Variants in GPHN observed in about 807,000 individuals in gnomAD.
GPHN encodes gephyrin.
GPHN carries 17 observed loss-of-function variants against 95.5 expected under a neutral mutation model. The observed-to-expected ratio is 0.18, with a 90% CI of 0.12 to 0.27. The LOEUF (loss-of-function observed/expected upper bound fraction) is 0.27. Ranked by LOEUF, GPHN falls within the 10% of genes least tolerant of loss-of-function variation. GPHN has a pLI of 1.00. For missense variants in GPHN, 660 were observed against 978.1 expected, an observed-to-expected ratio of 0.67 and a Z score of 4.34; for synonymous variants, 320 against 322.5, an observed-to-expected ratio of 0.99 and a Z score of 0.08.
At chr14:66,539,054 A>T (rs537216423) in intron 1 of GPHN, among the ~76,000 whole-genome samples, 8 of 152,052 alleles carry the variant, frequency 5.3e-5, no homozygotes, top group Non-Finnish European at 1.2e-4. Context: ...CAGATTTTTG[A>T]TTGAAAGACT....
At chr14:66,830,863 C>G (rs1321709023) in intron 4 of GPHN, among the ~76,000 whole-genome samples, 1 of 151,710 alleles carries the variant, frequency 6.6e-6, no homozygotes, top group Non-Finnish European at 1.5e-5. Flanking sequence ...TGTCAGTTTT[C>G]TAGTACAAAT....
At chr14:66,886,733 G>C (rs148526683) in intron 5 of GPHN, among the ~76,000 whole-genome samples, 1 of 152,056 alleles carries the variant, frequency 6.6e-6, no homozygotes, top group Non-Finnish European at 1.5e-5. Flanking sequence ...AGAGCCTAAG[G>C]GACCTATGGA....
At position 66,739,543 on chromosome 14, in the gene GPHN, A is replaced by T. The variant is rs2072617611; in HGVS notation, c.144-36921A>T. ...TGCTTTTTTTTTTTTTTTTTTAAAC[A>T]AAACCATCAATGGAAGGAAAAACAC... On this transcript the variant is annotated intron_variant, in intron 2 of 22. Transcript: ENST00000478722. Among the ~76,000 whole-genome samples the T allele has an allele frequency of 6.1e-5, 9 of 148,482 alleles. No homozygotes were observed. The South Asian group carries it at 1.9e-3, about 32-fold the overall frequency.
At chr14:67,230,406 C>A in the GPHN span, among the ~76,000 whole-genome samples, 1 of 151,886 alleles carries the variant, frequency 6.6e-6, no homozygotes, top group Non-Finnish European at 1.5e-5. Flanking sequence ...AAAGTGATAC[C>A]CTGTCTCCAC....
At chr14:67,657,780 GCT>G in the GPHN span, among the ~76,000 whole-genome samples, 1 of 120,320 alleles carries the variant, frequency 8.3e-6, no homozygotes, top group Non-Finnish European at 1.7e-5. Flanking sequence ...AGACAGTCTC[GCT>G]CTGTCGCCCG....
At chr14:67,345,361 A>G in the GPHN span, among the ~76,000 whole-genome samples, 1 of 152,334 alleles carries the variant, frequency 6.6e-6, no homozygotes, top group Non-Finnish European at 1.5e-5. Context: ...GTTCGAGACC[A>G]GCCTGACAAA....
chr14:66,664,597 C>G (rs953924882), intron 1 of GPHN, among the ~76,000 whole-genome samples: 1 of 151,914 alleles, frequency 6.6e-6, no homozygotes, highest in Non-Finnish European at 1.5e-5. Flanking sequence ...TCAAACAAAT[C>G]CCAAAGCTAG....
chr14:66,812,259 A>G (rs1420075975), intron 3 of GPHN, among the ~76,000 whole-genome samples: 6 of 152,374 alleles, frequency 3.9e-5, no homozygotes, highest in Non-Finnish European at 7.3e-5. Flanking sequence ...TTGAATTGCC[A>G]TCCTCTGCAT....
At chr14:67,445,984 T>A in the GPHN span, 1 of 493,554 alleles carries the variant, frequency 2.0e-6, no homozygotes, top group African/African-American at 1.9e-5. Flanking sequence ...TAAGAAACAG[T>A]TCAAAAAATA....
chr14:66,967,799 C>T (rs1452880927), intron 9 of GPHN, among the ~76,000 whole-genome samples: 1 of 151,670 alleles, frequency 6.6e-6, no homozygotes, highest in African/African-American at 2.4e-5. Context: ...AAAATAATAG[C>T]AGGGGAACTT....
chr14:66,751,311 C>A (rs894619914), intron 2 of GPHN, among the ~76,000 whole-genome samples: 2 of 152,058 alleles, frequency 1.3e-5, no homozygotes, highest in African/African-American at 4.8e-5. Context: ...TTCCCACTAA[C>A]AGTCTATAAG....
At chr14:67,380,707 A>G in the GPHN span, 5 of 1,587,274 alleles carry the variant, frequency 3.2e-6, no homozygotes, top group African/African-American at 1.4e-5. Context: ...ATGAACGGGA[A>G]GTACTCATTA....
chr14:67,664,273 C>G, the GPHN span, among the ~76,000 whole-genome samples: 1 of 152,126 alleles, frequency 6.6e-6, no homozygotes, highest in Admixed American at 6.6e-5. Flanking sequence ...ACTGAAATTC[C>G]GTACCCATCA....
chr14:66,588,570 A>G (rs932857970), intron 1 of GPHN, among the ~76,000 whole-genome samples: 1 of 152,124 alleles, frequency 6.6e-6, no homozygotes. Flanking sequence ...GAAAAACAGC[A>G]CAACAACTTT....
At chr14:66,759,969 C>T (rs187266008) in intron 2 of GPHN, among the ~76,000 whole-genome samples, 14 of 152,090 alleles carry the variant, frequency 9.2e-5, no homozygotes, top group Non-Finnish European at 1.2e-4. Flanking sequence ...CTAAGATAAT[C>T]ACAGGCCTCT....
At chr14:67,331,464 A>C in the GPHN span, among the ~76,000 whole-genome samples, 1 of 152,064 alleles carries the variant, frequency 6.6e-6, no homozygotes, top group African/African-American at 2.4e-5. Flanking sequence ...AATGTAACCA[A>C]CCGGTTATCT....
the GPHN span, chr14:67,198,822 C>T: frequency 3.7e-6 from 2 of 536,620 alleles, no homozygotes; most frequent in South Asian, 1.8e-5. Context: ...GCTAACTTTT[C>T]TCTAAACATT....
the GPHN span, among the ~76,000 whole-genome samples, chr14:67,404,613 C>T: frequency 6.6e-6 from 1 of 151,912 alleles, no homozygotes; most frequent in Non-Finnish European, 1.5e-5. Context: ...ACTTCAAGAC[C>T]AGCTTGGACA....
chr14:67,164,671 T>C (rs1003805981), intron 19 of GPHN, among the ~76,000 whole-genome samples: 12 of 151,850 alleles, frequency 7.9e-5, no homozygotes, highest in African/African-American at 2.9e-4. Flanking sequence ...TTTGTATTTT[T>C]AGTAGAGACA....
Sources: allele counts gnomAD v4.1 joint callset (sites outside exome capture counted in the v4.1 genomes callset), GRCh38; gene constraint gnomAD v4.1.1; transcripts MANE v1.5; gene names NCBI Gene and HGNC (gene_info 2026-07-23, HGNC 2026-07-21).